Variants in TMEM243 observed in about 807,000 individuals in gnomAD.
TMEM243 encodes MDR1 and mitochondrial taxol resistance associated.
TMEM243 carries 20 observed loss-of-function variants against 15.0 expected under a neutral mutation model. That is an observed-to-expected ratio of 1.33 (90% CI 0.94 to 1.93). The LOEUF (loss-of-function observed/expected upper bound fraction) is 1.93, where lower values mean the gene tolerates loss of function less well. Ranked by LOEUF, TMEM243 falls within the 30% of genes most tolerant of loss-of-function variation. The pLI is 0.00. For missense variants in TMEM243, 156 were observed against 142.1 expected (o/e 1.10, Z -0.50); for synonymous variants, 72 against 52.7 (o/e 1.37, Z -1.59).
At chr7:87,206,755 A>C (rs190117356) in intron 1 of TMEM243, among the ~76,000 whole-genome samples, 120 of 152,370 alleles carry the variant, frequency 7.9e-4, no homozygotes, top group Non-Finnish European at 1.3e-3. Flanking sequence ...AGAAAAGTGA[A>C]GCTGTGAATT....
chr7:87,215,695 T>G (rs1031573244), intron 1 of TMEM243, among the ~76,000 whole-genome samples: 5 of 152,146 alleles, frequency 3.3e-5, no homozygotes, highest in African/African-American at 1.2e-4. Context: ...GCACAAAACT[T>G]GGGAATGGTT....
At chr7:87,208,281 A>G (rs1490895315) in intron 1 of TMEM243, among the ~76,000 whole-genome samples, 3 of 152,256 alleles carry the variant, frequency 2.0e-5, no homozygotes, top group African/African-American at 4.8e-5. Flanking sequence ...TACTTCCTAG[A>G]TACAATGGGA....
chr7:87,207,201 G>A (rs1023562383), intron 1 of TMEM243, among the ~76,000 whole-genome samples: 2 of 152,206 alleles, frequency 1.3e-5, no homozygotes, highest in Non-Finnish European at 2.9e-5. Flanking sequence ...GATTTATAAG[G>A]CATCACAGCT....
At chr7:87,215,194 T>A (rs1562889232) in intron 1 of TMEM243, among the ~76,000 whole-genome samples, 2 of 152,200 alleles carry the variant, frequency 1.3e-5, no homozygotes, top group Non-Finnish European at 2.9e-5. Context: ...AGATAGAGTC[T>A]TGTTCTGTCA....
Position 87,198,414 on chromosome 7 carries a change from CATT to C in TMEM243, c.130-372_130-370del, listed in dbSNP as rs112944566. On this transcript the variant is annotated intron_variant, in intron 2 of 3. Transcript: ENST00000257637. ...ATAATCAAAGCTGGTTTTGCTATAA[CATT>C]ATGAAACACACTGAAAGACTTCTAA... 596 of 189,872 alleles carry C rather than the reference CATT, an allele frequency of 3.1e-3. 2 individuals carry two copies. The highest frequency in any genetic ancestry group is 0.013 in the African/African-American group (543 of 42,584). The allele number at this position is 189,872 out of a possible 1,614,324, so 11.8% of individuals were successfully genotyped here. A position where few individuals can be genotyped will look rare whatever the true frequency, so the allele number is the denominator to read the frequency against.
intron 3 of TMEM243, among the ~76,000 whole-genome samples, chr7:87,197,479 C>A (rs1174522637): frequency 6.6e-6 from 1 of 151,928 alleles, no homozygotes; most frequent in Non-Finnish European, 1.5e-5. Context: ...TTTAGATTTC[C>A]CAGGAGGTTT....
intron 1 of TMEM243, among the ~76,000 whole-genome samples, chr7:87,202,256 T>C (rs577871866): frequency 6.6e-6 from 1 of 152,096 alleles, no homozygotes; most frequent in Non-Finnish European, 1.5e-5. Flanking sequence ...AAGGAGAGAC[T>C]ACCAGAGAAG....
intron 1 of TMEM243, among the ~76,000 whole-genome samples, chr7:87,209,892 C>G (rs1316629617): frequency 1.3e-4 from 17 of 131,720 alleles, no homozygotes; most frequent in Non-Finnish European, 2.2e-4. Flanking sequence ...GCGTGAGAGA[C>G]AGTGAGAGAG....
chr7:87,219,302 G>A (rs975572678), intron 1 of TMEM243, 124 bp downstream of exon 1: 1 of 851,026 alleles, frequency 1.2e-6, no homozygotes, highest in African/African-American at 1.7e-5. Context: ...AAGTGGGATT[G>A]CAGAACCAGC....
upstream of TMEM243, chr7:87,219,847 G>T: frequency 5.9e-6 from 2 of 336,420 alleles, no homozygotes; most frequent in Non-Finnish European, 1.1e-5. Context: ...CCTCTGGGCC[G>T]CCAGGGTAGC....
intron 1 of TMEM243, among the ~76,000 whole-genome samples, chr7:87,211,893 CCAAA>C (rs1283136815): frequency 1.3e-5 from 2 of 152,180 alleles, no homozygotes; most frequent in African/African-American, 4.8e-5. Flanking sequence ...CTGAGACTTC[CCAAA>C]GCAACACCAG....
chr7:87,199,146 A>G (rs1801603341), intron 1 of TMEM243, 89 bp from the exon 2 acceptor site: 1 of 1,070,778 alleles, frequency 9.3e-7, no homozygotes, highest in South Asian at 1.6e-5. Flanking sequence ...ATGGTTTACT[A>G]TAAAGAAACC....
At chr7:87,209,684 C>CAGAGAG in intron 1 of TMEM243, among the ~76,000 whole-genome samples, 1 of 73,288 alleles carries the variant, frequency 1.4e-5, no homozygotes, top group African/African-American at 5.0e-5. Context: ...GAGCGAGACA[C>CAGAGAG]AGCGAGAGAG....
At chr7:87,220,369 C>G (rs911320590), upstream of TMEM243, 2 of 152,554 alleles carry the variant, frequency 1.3e-5, no homozygotes, top group African/African-American at 4.8e-5. Flanking sequence ...ACCTCGGCAT[C>G]CCCTAGGCGC....
At chr7:87,208,058 CAGG>C (rs1258893468) in intron 1 of TMEM243, among the ~76,000 whole-genome samples, 2 of 152,152 alleles carry the variant, frequency 1.3e-5, no homozygotes, top group East Asian at 1.9e-4. Context: ...AGCTACAATT[CAGG>C]AGGAGATTTG....
At chr7:87,207,967 C>G (rs576466088) in intron 1 of TMEM243, among the ~76,000 whole-genome samples, 1 of 152,140 alleles carries the variant, frequency 6.6e-6, no homozygotes, top group Non-Finnish European at 1.5e-5. Flanking sequence ...TTTACCACCA[C>G]GAGAACAGTA....
At chr7:87,198,224 C>G (rs1801508641) in intron 2 of TMEM243, 179 bp from the exon 3 acceptor site, 1 of 508,322 alleles carries the variant, frequency 2.0e-6, no homozygotes, top group Non-Finnish European at 3.4e-6. Context: ...TATTTTAGTA[C>G]TTCTTTTCTA....
intron 1 of TMEM243, among the ~76,000 whole-genome samples, chr7:87,209,748 C>CACAGTGAGAGCGAG (rs1562885317): frequency 1.2e-4 from 7 of 58,376 alleles, no homozygotes; most frequent in Non-Finnish European, 1.5e-4. Context: ...GAGAGCGAGA[C>CACAGTGAGAGCGAG]ACAGAGCGAG....
intron 1 of TMEM243, among the ~76,000 whole-genome samples, chr7:87,208,200 A>G (rs1438164559): frequency 6.6e-6 from 1 of 152,212 alleles, no homozygotes; most frequent in Non-Finnish European, 1.5e-5. Flanking sequence ...CATTAACTCA[A>G]AAGTCCACAG....
Sources: gnomAD v4.1 joint callset for allele counts (sites outside exome capture counted in the v4.1 genomes callset) on GRCh38, gnomAD v4.1.1 for gene constraint, MANE v1.5 for transcripts, NCBI Gene and HGNC (gene_info 2026-07-23, HGNC 2026-07-21) for gene names.